DNAH5: variants seen among roughly 807,000 people sequenced by gnomAD.
The protein encoded by DNAH5 is dynein axonemal heavy chain 5, also known as axonemal beta dynein heavy chain 5.
Under a neutral mutation model 518.2 loss-of-function variants are expected in DNAH5, and 372 were observed. The ratio of observed to expected loss-of-function variants is 0.72; its 90% confidence interval spans 0.66 to 0.78. The LOEUF (loss-of-function observed/expected upper bound fraction) is 0.78. Ranked by LOEUF, DNAH5 falls within the 30% of genes least tolerant of loss-of-function variation. The pLI, the probability that DNAH5 is intolerant of heterozygous loss-of-function variation, is 0.00. For synonymous variants in DNAH5, 2,039 were observed against 2,025.9 expected (o/e 1.01, Z -0.17); for missense variants, 5,523 against 5,687.0 (o/e 0.97, Z 0.93).
chr5:13,873,156 C>A (rs1770380873), intron 22 of DNAH5, among the ~76,000 whole-genome samples: 1 of 152,034 alleles, frequency 6.6e-6, no homozygotes, highest in African/African-American at 2.4e-5. Flanking sequence ...GCAGAAAGAA[C>A]AACAAAGAAA....
At chr5:13,702,886 C>T (rs746107311) in intron 76 of DNAH5, among the ~76,000 whole-genome samples, 1 of 152,088 alleles carries the variant, frequency 6.6e-6, no homozygotes, top group Non-Finnish European at 1.5e-5. Context: ...ATCACCTTCC[C>T]ATTTAGCCAA....
intron 62 of DNAH5, among the ~76,000 whole-genome samples, 195 bp downstream of exon 62, chr5:13,754,008 C>A (rs1290347069): frequency 2.6e-5 from 4 of 152,158 alleles, no homozygotes; most frequent in African/African-American, 4.8e-5. Flanking sequence ...GGCACACACA[C>A]ACACACAGGA....
intron 33 of DNAH5, 123 bp downstream of exon 33, chr5:13,841,569 T>C: frequency 1.3e-6 from 1 of 747,360 alleles, no homozygotes; most frequent in South Asian, 1.6e-5. Flanking sequence ...AATGGGTCCT[T>C]ATGAAAATCT....
Position 13,762,902 on chromosome 5 carries a change from C to T in DNAH5, c.10102-1G>A. ...CATTGATTGTGTCTTTTGGGAATTG[C>T]TATGGAAGAAAAGAGTAAAATAAAG... On this transcript the variant is annotated splice_acceptor_variant, in intron 59 of 78. Transcript: ENST00000265104. LOFTEE classifies it high-confidence loss of function. 1 of 1,613,158 alleles carries T rather than the reference C, an allele frequency of 6.2e-7. No individual in the cohort carries two copies. The highest frequency in any genetic ancestry group is 8.5e-7 in the Non-Finnish European group (1 of 1,179,344).
rs534598687 is a variant in DNAH5 at position 13,851,224 on chromosome 5, CA to C, written c.4951-410del. ...GAAAAAATATTTAAAAATAAAGATA[CA>C]AAATTAATTCCAGTATAACTGGAAT... On this transcript the variant is annotated intron_variant, in intron 30 of 78. Transcript: ENST00000265104. Among the ~76,000 whole-genome samples the C allele has an allele frequency of 8.4e-3, 1,278 of 152,066 alleles. 16 individuals are homozygous for C. Among genetic ancestry groups the C allele is most frequent in the African/African-American group, 0.028 (1,178 of 41,468 alleles).
intron 55 of DNAH5, among the ~76,000 whole-genome samples, chr5:13,774,530 A>G (rs1424351165): frequency 6.6e-6 from 1 of 152,152 alleles, no homozygotes; most frequent in Non-Finnish European, 1.5e-5. Flanking sequence ...TTTCCTGGGG[A>G]GAGACTCTGG....
rs565766169 is a variant in DNAH5, at chr5:13,983,084, G to A, written c.12+28564C>T. Among the ~76,000 whole-genome samples, 7 of 152,300 alleles carry A rather than the reference G, an allele frequency of 4.6e-5. No homozygotes were observed. The South Asian group carries it at 1.2e-3, about 27-fold the overall frequency. ...GCAAACCCACTGCATCAGAACCACC[G>A]CACAAAAGCCCTAGGAATCTGGATT... On this transcript the variant is annotated intron_variant, in intron 1 of 78. Coordinates refer to the DNAH5 transcript ENST00000681290.
intron 24 of DNAH5, among the ~76,000 whole-genome samples, chr5:13,870,128 A>G (rs1364738848): frequency 6.6e-6 from 1 of 152,164 alleles, no homozygotes; most frequent in African/African-American, 2.4e-5. Context: ...CAAATTACAT[A>G]ATTTCTTCGA....
chr5:13,864,994 C>T (rs935581035), intron 27 of DNAH5, among the ~76,000 whole-genome samples: 1 of 145,594 alleles, frequency 6.9e-6, no homozygotes, highest in Non-Finnish European at 1.5e-5. Flanking sequence ...GTGAAATATG[C>T]AACAAATAGC....
At chr5:13,790,236 G>A (rs1256247371) in intron 50 of DNAH5, among the ~76,000 whole-genome samples, 1 of 151,974 alleles carries the variant, frequency 6.6e-6, no homozygotes, top group African/African-American at 2.4e-5. Context: ...ATTCTACTAT[G>A]CACATGCACG....
intron 78 of DNAH5, among the ~76,000 whole-genome samples, chr5:13,698,597 A>C (rs1451930894): frequency 1.3e-5 from 2 of 152,236 alleles, no homozygotes; most frequent in African/African-American, 4.8e-5. Flanking sequence ...GCCTGAAGTC[A>C]GTTTGTCCAA....
chr5:13,721,823 G>A (rs138340401), intron 70 of DNAH5, among the ~76,000 whole-genome samples: 485 of 152,016 alleles, frequency 3.2e-3, no homozygotes, highest in Non-Finnish European at 5.0e-3. Context: ...ATCCATACTC[G>A]AAATATCACA....
At chr5:13,713,551 A>G (rs1318816328) in intron 75 of DNAH5, among the ~76,000 whole-genome samples, 1 of 149,144 alleles carries the variant, frequency 6.7e-6, no homozygotes, top group Non-Finnish European at 1.5e-5. Flanking sequence ...AGCGATCTGG[A>G]TGAGATTGAA....
At position 13,911,415 on chromosome 5, in the gene DNAH5, C is replaced by T. The variant is rs1424469912; in HGVS notation, c.1615G>A (p.Glu539Lys). The change falls in exon 12 of 79, where the codon GAG becomes AAG. Residue 539 changes from glutamate to lysine, a missense_variant. This residue lies in a region of DNAH5 where 5,121 missense variants were observed against 5,223.3 expected (regional missense o/e 0.98). Transcript: ENST00000265104. ...RKMDFDQDYEEFCKQTNDLHN... is the reference protein window; with the variant it reads ...RKMDFDQDYEKFCKQTNDLHN... Reference sequence around the variant, plus strand: ...AGGTCATTAGTCTGCTTGCAAAACTCTTCGTAATCTTGGTCAAAATCCATT... The same window carrying T: ...AGGTCATTAGTCTGCTTGCAAAACTTTTCGTAATCTTGGTCAAAATCCATT... 1 of 1,613,982 alleles carries T rather than the reference C, an allele frequency of 6.2e-7. No homozygotes were observed. Among genetic ancestry groups the T allele is most frequent in the Non-Finnish European group, 8.5e-7 (1 of 1,179,956 alleles).
At chr5:13,802,951 G>A (rs1759003391) in intron 47 of DNAH5, among the ~76,000 whole-genome samples, 1 of 151,320 alleles carries the variant, frequency 6.6e-6, no homozygotes, top group African/African-American at 2.4e-5. Flanking sequence ...ATATGAATAT[G>A]CATATATGCA....
chr5:13,704,792 T>G (rs765815586), intron 76 of DNAH5, among the ~76,000 whole-genome samples: 5 of 152,158 alleles, frequency 3.3e-5, no homozygotes, highest in Admixed American at 6.5e-5. Flanking sequence ...CTACATCATC[T>G]TACCTATATG....
chr5:13,702,967 C>T (rs1742315749), intron 76 of DNAH5, among the ~76,000 whole-genome samples: 1 of 151,742 alleles, frequency 6.6e-6, no homozygotes, highest in East Asian at 2.0e-4. Flanking sequence ...CCTCTCTGTG[C>T]AGCCCCCAAC....
Position 13,691,805 on chromosome 5 carries a change from C to T in DNAH5, c.*179G>A. ...ATTTTCAACAAACTCAGACATTGGT[C>T]ACTAATGATGAAACAAGTAAAATAT... is the stretch of plus-strand genomic sequence containing the variant. On this transcript the variant is annotated 3_prime_UTR_variant, in exon 79 of 79. Coordinates refer to ENST00000265104, the MANE Select transcript of DNAH5 (RefSeq NM_001369.3). 1.5e-6 allele frequency: 1 copy of T among 689,242 alleles called. No homozygotes were observed. The highest frequency in any genetic ancestry group is 1.9e-5 in the South Asian group (1 of 52,196). The allele number at this position is 689,242 out of a possible 1,614,324, so 42.7% of individuals were successfully genotyped here.
intron 15 of DNAH5, among the ~76,000 whole-genome samples, chr5:13,895,628 C>T (rs950317683): frequency 9.2e-5 from 14 of 152,036 alleles, no homozygotes; most frequent in African/African-American, 2.9e-4. Context: ...CAAAGCACAC[C>T]GGGAACCAGT....
Sources: gnomAD v4.1 joint callset for allele counts (sites outside exome capture counted in the v4.1 genomes callset) on GRCh38, gnomAD v4.1.1 for gene constraint, gnomAD v4.1.1 regional missense constraint, MANE v1.5 for transcripts, NCBI Gene and HGNC (gene_info 2026-07-23, HGNC 2026-07-21) for gene names.